The following CERS3 variants were observed in gnomAD, a reference collection of about 807,000 sequenced individuals.
CERS3 encodes the protein ceramide synthase 3, also known as LAG1 homolog, ceramide synthase 3.
A neutral mutation model predicts 50.3 loss-of-function variants in CERS3; 33 were observed. That is an observed-to-expected ratio of 0.66 (90% CI 0.50 to 0.88). CERS3 has a LOEUF of 0.88. Among genes scored for constraint, CERS3 ranks in the 40% least tolerant of loss-of-function variants. The probability of loss-of-function intolerance (pLI) is 0.00; values close to 1 mark genes in which losing one functional copy is unlikely to be tolerated. For synonymous variants in CERS3, 176 were observed against 155.2 expected (o/e 1.13, Z -0.99); for missense variants, 470 against 460.3 (o/e 1.02, Z -0.19).
At chr15:100,421,263 A>T (rs1352233485) in intron 11 of CERS3, among the ~76,000 whole-genome samples, 1 of 149,438 alleles carries the variant, frequency 6.7e-6, no homozygotes, top group African/African-American at 2.5e-5. Context: ...ATGTACAAAA[A>T]TCACAAGCAT....
chr15:100,469,515 T>C (rs376608561), intron 9 of CERS3, 31 bp from the exon 10 acceptor site: 14 of 1,411,804 alleles, frequency 9.9e-6, no homozygotes, highest in Non-Finnish European at 1.2e-5. Context: ...GCAGATAAAG[T>C]GACAATAGCC....
intron 7 of CERS3, among the ~76,000 whole-genome samples, chr15:100,478,557 AGC>A (rs200362612): frequency 0.011 from 1,693 of 152,258 alleles, 31 homozygotes; most frequent in African/African-American, 0.039. Flanking sequence ...TGAGGGGAAC[AGC>A]CAAAAAGAGA....
intron 11 of CERS3, among the ~76,000 whole-genome samples, chr15:100,436,304 G>A (rs1030078992): frequency 6.6e-6 from 1 of 152,142 alleles, no homozygotes; most frequent in African/African-American, 2.4e-5. Context: ...AAAAAAGAAT[G>A]AGTTCATGTC....
intron 11 of CERS3, among the ~76,000 whole-genome samples, chr15:100,403,162 C>G (rs745678060): frequency 6.6e-6 from 1 of 152,050 alleles, no homozygotes; most frequent in Non-Finnish European, 1.5e-5. Flanking sequence ...TCTAAACAAT[C>G]GCTGGGTCAA....
intron 1 of CERS3, among the ~76,000 whole-genome samples, chr15:100,540,269 G>A (rs998006561): frequency 3.3e-5 from 5 of 152,138 alleles, no homozygotes; most frequent in East Asian, 1.9e-4. Flanking sequence ...TTGTCCAGGC[G>A]CAGTGGCTCA....
chr15:100,473,571 G>A (rs1256471118), intron 8 of CERS3, among the ~76,000 whole-genome samples: 1 of 152,162 alleles, frequency 6.6e-6, no homozygotes, highest in Non-Finnish European at 1.5e-5. Flanking sequence ...TAGCCATTGG[G>A]AGAATACAAA....
At chr15:100,467,075 C>G (rs914969387) in intron 10 of CERS3, among the ~76,000 whole-genome samples, 2 of 151,808 alleles carry the variant, frequency 1.3e-5, no homozygotes, top group Admixed American at 1.3e-4. Context: ...AGGTTGGTCT[C>G]GAACTCCTGA....
At chr15:100,480,334 A>G (rs528392589) in intron 5 of CERS3, among the ~76,000 whole-genome samples, 34 of 152,328 alleles carry the variant, frequency 2.2e-4, no homozygotes, top group African/African-American at 8.2e-4. Flanking sequence ...AGTAAGCAAC[A>G]ATAAATGGCA....
At chr15:100,456,802 C>A (rs1400455848) in intron 10 of CERS3, among the ~76,000 whole-genome samples, 1 of 152,078 alleles carries the variant, frequency 6.6e-6, no homozygotes. Context: ...CAAAAATTAG[C>A]TGGGTGTGGT....
chr15:100,446,074 C>T (rs533940638), intron 11 of CERS3, among the ~76,000 whole-genome samples: 27 of 151,072 alleles, frequency 1.8e-4, no homozygotes, highest in Non-Finnish European at 2.9e-4. Flanking sequence ...TCCTATAAAA[C>T]GGCCCCACCC....
chr15:100,410,383 A>G (rs538828653), intron 11 of CERS3, among the ~76,000 whole-genome samples: 1 of 152,316 alleles, frequency 6.6e-6, no homozygotes, highest in African/African-American at 2.4e-5. Context: ...CTGTGGTTGA[A>G]ATCACAGTCA....
At chr15:100,406,191 G>T (rs1399778590) in intron 11 of CERS3, among the ~76,000 whole-genome samples, 5 of 152,166 alleles carry the variant, frequency 3.3e-5, no homozygotes, top group Non-Finnish European at 7.3e-5. Context: ...CAAGCTCTGT[G>T]CATGTCCAGT....
At chr15:100,464,170 C>T (rs939594098) in intron 10 of CERS3, among the ~76,000 whole-genome samples, 6 of 152,136 alleles carry the variant, frequency 3.9e-5, no homozygotes, top group African/African-American at 1.2e-4. Flanking sequence ...AGAAACCTTA[C>T]AAGCATATGT....
At chr15:100,434,274 C>T (rs569725854) in intron 11 of CERS3, among the ~76,000 whole-genome samples, 7 of 152,326 alleles carry the variant, frequency 4.6e-5, no homozygotes, top group African/African-American at 1.4e-4. Context: ...GCGAAGAGTG[C>T]GTGCCCAGGA....
Position 100,490,945 on chromosome 15 carries a change from A to G in CERS3, c.174-14T>C. The G allele has an allele frequency of 6.9e-7, 1 of 1,451,648 alleles. No homozygotes were observed. Among genetic ancestry groups the G allele is most frequent in the Non-Finnish European group, 9.5e-7 (1 of 1,047,754 alleles). The allele number at this position is 1,451,648 out of a possible 1,614,324, so 89.9% of individuals were successfully genotyped here. On this transcript the variant is annotated splice_polypyrimidine_tract_variant and intron_variant, in intron 3 of 11. Transcript: ENST00000679737. Reference sequence around the variant, plus strand: ...GAAGCAACAAATCTACAAAAATATGAAAAGAAAAAAAGTTCAAAATCTAAG... The same window carrying G: ...GAAGCAACAAATCTACAAAAATATGGAAAGAAAAAAAGTTCAAAATCTAAG...
chr15:100,420,550 GAA>G (rs1406764042), intron 11 of CERS3, among the ~76,000 whole-genome samples: 1 of 151,854 alleles, frequency 6.6e-6, no homozygotes, highest in Non-Finnish European at 1.5e-5. Context: ...CCAATCAATA[GAA>G]AAAGAGGGAA....
At chr15:100,449,452 A>C (rs1026553916) in intron 11 of CERS3, among the ~76,000 whole-genome samples, 1 of 152,208 alleles carries the variant, frequency 6.6e-6, no homozygotes, top group Non-Finnish European at 1.5e-5. Flanking sequence ...TGAAGGCCCA[A>C]GAATCAGCCC....
intron 9 of CERS3, among the ~76,000 whole-genome samples, chr15:100,472,068 G>A (rs1416479462): frequency 6.6e-6 from 1 of 152,210 alleles, no homozygotes; most frequent in Non-Finnish European, 1.5e-5. Flanking sequence ...CAACCTAGAA[G>A]AATAAGATTC....
In CERS3 at chr15:100,506,466, C is replaced by CCCG. The variant is rs1555533162; in HGVS notation, c.-1-4619_-1-4617dup. On this transcript the variant is annotated intron_variant, in intron 2 of 11. Coordinates refer to ENST00000679737, the MANE Select transcript of CERS3 (RefSeq NM_001378789.1). ...CGGGGTGTGAAGAAATCGGGACCCC[C>CCCG]CCGCCGCCCCACACACACACACACC... 2.8e-3 allele frequency among the ~76,000 whole-genome samples: 43 copies of CCCG among 15,508 alleles called. 1 individual carries two copies. In the East Asian group the frequency reaches 0.062, roughly 22 times the overall value. 10.2% of individuals were successfully genotyped at this position (15,508 alleles called of 152,430 possible).
Sources: allele counts gnomAD v4.1 joint callset (sites outside exome capture counted in the v4.1 genomes callset), GRCh38; gene constraint gnomAD v4.1.1; transcripts MANE v1.5; gene names NCBI Gene and HGNC (gene_info 2026-07-23, HGNC 2026-07-21).